Variants in MGAT4C observed in about 807,000 individuals in gnomAD.
MGAT4C encodes the protein alpha-1,3-mannosyl-glycoprotein 4-beta-N-acetylglucosaminyltransferase C.
Under a neutral mutation model 40.1 loss-of-function variants are expected in MGAT4C, and 19 were observed. The observed-to-expected ratio is 0.47, with a 90% CI of 0.33 to 0.70. The LOEUF (loss-of-function observed/expected upper bound fraction) is 0.70, where lower values mean the gene tolerates loss of function less well. Among genes scored for constraint, MGAT4C ranks in the 30% least tolerant of loss-of-function variants. The pLI, the probability that MGAT4C is intolerant of heterozygous loss-of-function variation, is 0.02. For synonymous variants in MGAT4C, 181 were observed against 187.1 expected (o/e 0.97, Z 0.27); for missense variants, 491 against 563.2 (o/e 0.87, Z 1.30).
intron 3 of MGAT4C, among the ~76,000 whole-genome samples, chr12:86,340,643 A>C (rs747132675): frequency 9.9e-5 from 15 of 152,190 alleles, no homozygotes; most frequent in Non-Finnish European, 1.9e-4. Context: ...CAGAGAAGAC[A>C]GAAGACACAA....
chr12:86,406,940 T>C (rs1257566289), intron 3 of MGAT4C, among the ~76,000 whole-genome samples: 5 of 152,014 alleles, frequency 3.3e-5, no homozygotes, highest in African/African-American at 4.8e-5. Flanking sequence ...GATCCATAGG[T>C]TGTGGGCTCA....
At chr12:86,490,334 G>A (rs888617057) in intron 2 of MGAT4C, among the ~76,000 whole-genome samples, 1 of 151,976 alleles carries the variant, frequency 6.6e-6, no homozygotes, top group African/African-American at 2.4e-5. Flanking sequence ...AGCTTCATAA[G>A]TGAAGGAGAA....
intron 2 of MGAT4C, among the ~76,000 whole-genome samples, chr12:86,442,549 A>G (rs1342873293): frequency 6.6e-6 from 1 of 152,110 alleles, no homozygotes; most frequent in Non-Finnish European, 1.5e-5. Flanking sequence ...ATCCAGTTTC[A>G]GCTTTCTACA....
intron 1 of MGAT4C, among the ~76,000 whole-genome samples, chr12:86,739,451 T>A (rs1209487257): frequency 1.3e-5 from 2 of 150,980 alleles, no homozygotes; most frequent in African/African-American, 4.8e-5. Context: ...TTAGGAAGAA[T>A]ATGTATATAC....
At chr12:86,512,392 A>C (rs1288703930) in intron 2 of MGAT4C, among the ~76,000 whole-genome samples, 2 of 152,158 alleles carry the variant, frequency 1.3e-5, no homozygotes, top group Admixed American at 1.3e-4. Context: ...ATATGATCCA[A>C]CATCCTACTT....
At chr12:86,277,908 GATT>G (rs1331018769) in intron 4 of MGAT4C, among the ~76,000 whole-genome samples, 2 of 151,988 alleles carry the variant, frequency 1.3e-5, no homozygotes, top group Non-Finnish European at 2.9e-5. Context: ...TAAATTTTAG[GATT>G]ATTTATCTAT....
intron 2 of MGAT4C, among the ~76,000 whole-genome samples, chr12:85,999,513 C>T: frequency 6.7e-6 from 1 of 149,394 alleles, no homozygotes; most frequent in East Asian, 2.0e-4. Flanking sequence ...TTCACAATAG[C>T]CAAGATAAGG....
chr12:86,817,414 T>C (rs1475128663), intron 1 of MGAT4C, among the ~76,000 whole-genome samples: 4 of 151,612 alleles, frequency 2.6e-5, no homozygotes, highest in African/African-American at 7.2e-5. Flanking sequence ...AGACTTGCTT[T>C]GTTTCCTCCT....
At chr12:86,060,921 G>A (rs1310166152) in intron 1 of MGAT4C, among the ~76,000 whole-genome samples, 2 of 152,092 alleles carry the variant, frequency 1.3e-5, no homozygotes, top group African/African-American at 4.8e-5. Context: ...TGCTTCTTGG[G>A]GGAACATGTA....
chr12:86,165,400 C>T (rs1184380997), intron 1 of MGAT4C, among the ~76,000 whole-genome samples: 4 of 152,010 alleles, frequency 2.6e-5, no homozygotes, highest in African/African-American at 7.2e-5. Context: ...TATTGTTTTA[C>T]ATGTATTTTG....
chr12:86,837,986 T>G (rs1453919490), intron 1 of MGAT4C, among the ~76,000 whole-genome samples: 1 of 152,222 alleles, frequency 6.6e-6, no homozygotes, highest in Non-Finnish European at 1.5e-5. Context: ...ACATTTCTTG[T>G]ACTTCTATGA....
At chr12:86,643,253 C>T (rs1312272384) in intron 2 of MGAT4C, among the ~76,000 whole-genome samples, 2 of 151,778 alleles carry the variant, frequency 1.3e-5, no homozygotes, top group African/African-American at 2.4e-5. Context: ...ATGACCTATA[C>T]ACCTGCCGTT....
chr12:86,571,417 A>G lies in MGAT4C; in HGVS notation c.-228-136152T>C, dbSNP rs191965988. 3.0e-3 allele frequency among the ~76,000 whole-genome samples: 454 copies of G among 152,220 alleles called. 2 individuals are homozygous for G. Among genetic ancestry groups the G allele is most frequent in the African/African-American group, 0.01 (433 of 41,576 alleles). ...GAGGTATACATAAGTGTGTATATAT[A>G]TATGAAAAAAATGTATATATACACA... On this transcript the variant is annotated intron_variant, in intron 2 of 7. Coordinates refer to the MGAT4C transcript ENST00000548651.
intron 2 of MGAT4C, among the ~76,000 whole-genome samples, chr12:86,716,509 T>C (rs1235956213): frequency 6.6e-6 from 1 of 152,116 alleles, no homozygotes; most frequent in African/African-American, 2.4e-5. Flanking sequence ...AGTAAAAGGG[T>C]AAATGTACTG....
intron 1 of MGAT4C, among the ~76,000 whole-genome samples, chr12:86,254,386 C>G (rs550544366): frequency 1.3e-5 from 2 of 151,968 alleles, no homozygotes; most frequent in East Asian, 3.9e-4. Context: ...AAGGCTAATA[C>G]TGAAAGAAGG....
Position 86,566,385 on chromosome 12 carries a change from C to T in MGAT4C, c.-228-131120G>A, listed in dbSNP as rs111309197. ...GGCCTCCCAGCCTACATCTTTCTCC[C>T]GTGGTGGATGCTCCCTGCCCTTGAA... is the stretch of plus-strand genomic sequence containing the variant. On this transcript the variant is annotated intron_variant, in intron 2 of 7. Coordinates refer to the MGAT4C transcript ENST00000548651. Among the ~76,000 whole-genome samples the T allele has an allele frequency of 3.2e-3, 478 of 151,226 alleles. 1 individual carries two copies. The highest frequency in any genetic ancestry group is 0.011 in the African/African-American group (459 of 41,256).
intron 1 of MGAT4C, among the ~76,000 whole-genome samples, chr12:86,100,892 T>C (rs1327689874): frequency 6.6e-6 from 1 of 151,638 alleles, no homozygotes; most frequent in East Asian, 1.9e-4. Flanking sequence ...TATATACTTC[T>C]AGATACTTGT....
At chr12:86,287,892 A>G (rs1006850189) in intron 4 of MGAT4C, among the ~76,000 whole-genome samples, 7 of 152,152 alleles carry the variant, frequency 4.6e-5, no homozygotes, top group Non-Finnish European at 1.0e-4. Flanking sequence ...GTCAAATGGT[A>G]TTTCTGGTTC....
At chr12:86,654,721 C>CTTT (rs35738979) in intron 2 of MGAT4C, among the ~76,000 whole-genome samples, 1 of 143,708 alleles carries the variant, frequency 7.0e-6, no homozygotes, top group South Asian at 2.2e-4. Context: ...TTCCCTGTAC[C>CTTT]TTTTTTTTTT....
Sources: allele counts gnomAD v4.1 joint callset (sites outside exome capture counted in the v4.1 genomes callset), GRCh38; gene constraint gnomAD v4.1.1; transcripts MANE v1.5; gene names NCBI Gene and HGNC (gene_info 2026-07-23, HGNC 2026-07-21).